The following ENAH variants were observed in gnomAD, a reference collection of about 807,000 sequenced individuals.
The protein encoded by ENAH is ENAH actin regulator.
A neutral mutation model predicts 78.7 loss-of-function variants in ENAH; 23 were observed. That is an observed-to-expected ratio of 0.29 (90% CI 0.21 to 0.41). The LOEUF is 0.41. Ranked by LOEUF, ENAH falls within the 10% of genes least tolerant of loss-of-function variation. ENAH has a pLI of 1.00. For synonymous variants in ENAH, 226 were observed against 241.0 expected (o/e 0.94, Z 0.58); for missense variants, 544 against 691.0 (o/e 0.79, Z 2.39).
intron 1 of ENAH, among the ~76,000 whole-genome samples, chr1:225,625,104 C>T (rs1000461431): frequency 2.6e-5 from 4 of 151,994 alleles, no homozygotes; most frequent in Non-Finnish European, 5.9e-5. Context: ...AAGAGCTGAG[C>T]GATAGACTTA....
intron 1 of ENAH, among the ~76,000 whole-genome samples, chr1:225,591,211 G>A (rs966906301): frequency 2.6e-5 from 4 of 152,234 alleles, no homozygotes; most frequent in African/African-American, 7.2e-5. Flanking sequence ...GCTCATGCCT[G>A]TAATCCCAGC....
At chr1:225,603,329 T>C (rs1243993307) in intron 1 of ENAH, among the ~76,000 whole-genome samples, 1 of 152,142 alleles carries the variant, frequency 6.6e-6, no homozygotes, top group African/African-American at 2.4e-5. Flanking sequence ...ATATAGCGCT[T>C]GAGATACATA....
chr1:225,502,860 CTAGAAT>C (rs1235001718), intron 11 of ENAH, among the ~76,000 whole-genome samples: 3 of 152,164 alleles, frequency 2.0e-5, no homozygotes, highest in African/African-American at 7.2e-5. Context: ...TTCCTGTTCT[CTAGAAT>C]TAAACTATAA....
chr1:225,584,905 C>T (rs2096837602), intron 1 of ENAH, among the ~76,000 whole-genome samples: 2 of 152,012 alleles, frequency 1.3e-5, no homozygotes, highest in Non-Finnish European at 2.9e-5. Context: ...TGTACAGCCA[C>T]CTAATCACCA....
chr1:225,639,174 A>G (rs1365574862), intron 1 of ENAH, among the ~76,000 whole-genome samples: 5 of 152,242 alleles, frequency 3.3e-5, no homozygotes, highest in Non-Finnish European at 7.3e-5. Context: ...ACTGAAAAAA[A>G]TGAGTATTTG....
At chr1:225,503,797 A>G (rs7544335) in intron 11 of ENAH, among the ~76,000 whole-genome samples, 4,997 of 152,244 alleles carry the variant, frequency 0.033, 109 homozygotes, top group East Asian at 0.09. Flanking sequence ...GCAAGTAAGA[A>G]TTTGGCCAGA....
At chr1:225,621,103 T>G (rs1213175085) in intron 1 of ENAH, among the ~76,000 whole-genome samples, 1 of 152,164 alleles carries the variant, frequency 6.6e-6, no homozygotes, top group Non-Finnish European at 1.5e-5. Flanking sequence ...TGTCCCGAAT[T>G]AAAACAAATC....
intron 1 of ENAH, among the ~76,000 whole-genome samples, chr1:225,624,575 G>A (rs1657596043): frequency 6.6e-6 from 1 of 152,104 alleles, no homozygotes; most frequent in East Asian, 1.9e-4. Context: ...AGTGAGCTGA[G>A]ATTGCACCAC....
chr1:225,631,305 T>C (rs1188061650), intron 1 of ENAH, among the ~76,000 whole-genome samples: 1 of 151,954 alleles, frequency 6.6e-6, no homozygotes, highest in Non-Finnish European at 1.5e-5. Flanking sequence ...GCCAGGGACT[T>C]TGGCTCATGC....
chr1:225,524,047 A>C (rs796415273), intron 4 of ENAH, among the ~76,000 whole-genome samples: 20 of 152,302 alleles, frequency 1.3e-4, no homozygotes, highest in African/African-American at 4.8e-4. Context: ...CTGAGAATAT[A>C]AATTTTTTTC....
chr1:225,572,067 T>C (rs2096765699), intron 1 of ENAH, among the ~76,000 whole-genome samples: 1 of 152,092 alleles, frequency 6.6e-6, no homozygotes, highest in South Asian at 2.1e-4. Context: ...GGCACTCCAT[T>C]TGCAGCTGGT....
intron 1 of ENAH, among the ~76,000 whole-genome samples, chr1:225,602,182 G>A (rs1241257669): frequency 1.3e-5 from 2 of 151,952 alleles, no homozygotes; most frequent in Non-Finnish European, 2.9e-5. Flanking sequence ...AAGAAAACAG[G>A]TTGAAAAACA....
At chr1:225,499,309 A>T (rs1249294943) in intron 12 of ENAH, among the ~76,000 whole-genome samples, 2 of 151,706 alleles carry the variant, frequency 1.3e-5, no homozygotes, top group East Asian at 3.9e-4. Flanking sequence ...TACTAGAAAA[A>T]TTTTAAAATA....
Position 225,493,949 on chromosome 1 carries a change from T to C in ENAH, c.*3826A>G, listed in dbSNP as rs1029604483. 6.7e-6 allele frequency: 1 copy of C among 149,264 alleles called. No homozygotes were observed. The highest frequency in any genetic ancestry group is 2.5e-5 in the African/African-American group (1 of 40,572). The allele number at this position is 149,264 out of a possible 1,614,324, so 9.2% of individuals were successfully genotyped here. ...GACATAAAAGTTGTAGCTAGGTAAA[T>C]TTAAAAGATTATCATGTTACTTAAC... On this transcript the variant is annotated 3_prime_UTR_variant, in exon 14 of 14. Coordinates refer to ENST00000366843, the MANE Select transcript of ENAH (RefSeq NM_018212.6).
intron 3 of ENAH, among the ~76,000 whole-genome samples, chr1:225,537,287 G>T (rs12032961): frequency 0.79 from 120,199 of 152,088 alleles, 47,619 homozygotes; most frequent in Middle Eastern, 0.87. Context: ...CATTATTGCT[G>T]CGTAAGACAA....
chr1:225,626,678 G>C (rs1658006780), intron 1 of ENAH, among the ~76,000 whole-genome samples: 1 of 152,238 alleles, frequency 6.6e-6, no homozygotes, highest in African/African-American at 2.4e-5. Flanking sequence ...TGTTATAGCA[G>C]CAAGAACAGA....
intron 1 of ENAH, among the ~76,000 whole-genome samples, chr1:225,633,354 GTCAC>G (rs1659471143): frequency 6.6e-6 from 1 of 151,078 alleles, no homozygotes; most frequent in African/African-American, 2.4e-5. Context: ...CCAGCCAACT[GTCAC>G]TCAAAGTCTT....
intron 1 of ENAH, among the ~76,000 whole-genome samples, chr1:225,584,516 A>C (rs2096835793): frequency 6.6e-6 from 1 of 152,196 alleles, no homozygotes; most frequent in Admixed American, 6.5e-5. Flanking sequence ...CAGAAGGGAC[A>C]AACAGAATAC....
At chr1:225,538,386 A>C in intron 3 of ENAH, among the ~76,000 whole-genome samples, 1 of 152,128 alleles carries the variant, frequency 6.6e-6, no homozygotes, top group African/African-American at 2.4e-5. Flanking sequence ...ACAAACAGTA[A>C]ATTTTATTCA....
Sources: allele counts gnomAD v4.1 joint callset (sites outside exome capture counted in the v4.1 genomes callset), GRCh38; gene constraint gnomAD v4.1.1; transcripts MANE v1.5; gene names NCBI Gene and HGNC (gene_info 2026-07-23, HGNC 2026-07-21).